The following PARD3B variants were observed in gnomAD, a reference collection of about 807,000 sequenced individuals.
The protein encoded by PARD3B is par-3 family cell polarity regulator beta.
Under a neutral mutation model 130.2 loss-of-function variants are expected in PARD3B, and 103 were observed. The observed-to-expected ratio is 0.79, with a 90% CI of 0.67 to 0.93. PARD3B has a LOEUF of 0.93. Among genes scored for constraint, PARD3B ranks in the 40% least tolerant of loss-of-function variants. The probability of loss-of-function intolerance (pLI) is 0.00; values close to 1 mark genes in which losing one functional copy is unlikely to be tolerated. For missense variants in PARD3B, 1,609 were observed against 1,499.2 expected, an observed-to-expected ratio of 1.07 and a Z score of -1.21; for synonymous variants, 583 against 553.2, an observed-to-expected ratio of 1.05 and a Z score of -0.76.
intron 2 of PARD3B, among the ~76,000 whole-genome samples, chr2:204,795,460 A>G (rs1432418793): frequency 6.6e-6 from 1 of 152,222 alleles, no homozygotes; most frequent in East Asian, 1.9e-4. Flanking sequence ...GAACAATCAA[A>G]GGAAGCAGGA....
At chr2:204,724,886 AGAG>A (rs2039156516) in intron 2 of PARD3B, among the ~76,000 whole-genome samples, 2 of 152,078 alleles carry the variant, frequency 1.3e-5, no homozygotes, top group African/African-American at 4.8e-5. Context: ...GGTTAGCATG[AGAG>A]GAGAAGAAGT....
rs960056108 is a variant in PARD3B, at chr2:205,617,612, A to G, written c.*1799A>G. The G allele has an allele frequency of 3.9e-5, 6 of 152,152 alleles. No individual in the cohort carries two copies. The highest frequency in any genetic ancestry group is 9.6e-5 in the African/African-American group (4 of 41,460). 9.4% of individuals were successfully genotyped at this position (152,152 alleles called of 1,614,324 possible). ...ACTATGGCCCTGTTGAAAACAGACT[A>G]TCAAGTTTTTTGTCTCTGTTCTGTC... On this transcript the variant is annotated 3_prime_UTR_variant, in exon 23 of 23. Coordinates refer to ENST00000406610, the MANE Select transcript of PARD3B (RefSeq NM_001302769.2).
chr2:204,625,125 A>G (rs557381988), intron 1 of PARD3B, among the ~76,000 whole-genome samples: 1 of 152,236 alleles, frequency 6.6e-6, no homozygotes, highest in African/African-American at 2.4e-5. Context: ...GTCCTTTGTA[A>G]GATATACGGT....
At chr2:204,928,335 C>G (rs1348967418) in intron 2 of PARD3B, among the ~76,000 whole-genome samples, 3 of 152,086 alleles carry the variant, frequency 2.0e-5, no homozygotes, top group East Asian at 1.9e-4. Flanking sequence ...AATTCTATCA[C>G]TTCTGTTGGG....
intron 2 of PARD3B, among the ~76,000 whole-genome samples, chr2:204,787,778 T>G (rs879647632): frequency 3.9e-5 from 6 of 152,226 alleles, no homozygotes; most frequent in African/African-American, 1.4e-4. Flanking sequence ...AGCTGGACTC[T>G]TAACACCAAC....
At chr2:204,834,814 G>T (rs1043491599) in intron 2 of PARD3B, among the ~76,000 whole-genome samples, 1 of 152,168 alleles carries the variant, frequency 6.6e-6, no homozygotes, top group Non-Finnish European at 1.5e-5. Context: ...CACTTTTACT[G>T]TGTCAGCGAT....
At chr2:204,729,232 TAAAG>T (rs750670478) in intron 2 of PARD3B, among the ~76,000 whole-genome samples, 3 of 152,220 alleles carry the variant, frequency 2.0e-5, no homozygotes, top group East Asian at 1.9e-4. Context: ...ATTATTGAAA[TAAAG>T]AAAGCAAGCA....
chr2:204,721,015 A>G (rs750488837), intron 2 of PARD3B, among the ~76,000 whole-genome samples: 5 of 152,186 alleles, frequency 3.3e-5, no homozygotes, highest in Non-Finnish European at 5.9e-5. Flanking sequence ...TTATAATCTG[A>G]GAATGAGTAC....
In PARD3B at chr2:205,015,764, C is replaced by T. The variant is rs1696100529; in HGVS notation, c.395-31817C>T. On this transcript the variant is annotated intron_variant, in intron 3 of 22. Coordinates refer to ENST00000406610, the MANE Select transcript of PARD3B (RefSeq NM_001302769.2). The surrounding 1 kb of genome is among the most constrained non-coding windows in gnomAD (Gnocchi z 4.5). ...GTTTTGAACAATTGGCCCTATTTGA[C>T]TTTGCATGCCCAGGCCTCAGCACCT... 6.6e-6 allele frequency among the ~76,000 whole-genome samples: 1 copy of T among 152,204 alleles called. No homozygotes were observed. Among genetic ancestry groups the T allele is most frequent in the Non-Finnish European group, 1.5e-5 (1 of 68,034 alleles).
chr2:205,409,843 A>C (rs973702886), intron 19 of PARD3B, among the ~76,000 whole-genome samples: 9 of 152,216 alleles, frequency 5.9e-5, no homozygotes, highest in Non-Finnish European at 1.3e-4. Flanking sequence ...ATTATACTGA[A>C]TTACCTAGAA....
Position 204,799,884 on chromosome 2 carries a change from A to G in PARD3B, c.222+113602A>G, listed in dbSNP as rs1328595522. On this transcript the variant is annotated intron_variant, in intron 2 of 22. Coordinates refer to ENST00000406610, the MANE Select transcript of PARD3B (RefSeq NM_001302769.2). The surrounding 1 kb of genome is among the most constrained non-coding windows in gnomAD (Gnocchi z 4.1). ...ATCACAGCATCAGTTCCCTTGGAAT[A>G]CTTGGTAAGCCTTCCTAAGAAGGGT... 2.1e-4 allele frequency among the ~76,000 whole-genome samples: 32 copies of G among 152,342 alleles called. No homozygotes were observed.
chr2:205,092,543 A>T (rs1702172590), intron 4 of PARD3B, among the ~76,000 whole-genome samples: 1 of 152,192 alleles, frequency 6.6e-6, no homozygotes, highest in African/African-American at 2.4e-5. Context: ...AATGAAGGCT[A>T]AGGAAATGCC....
intron 2 of PARD3B, among the ~76,000 whole-genome samples, chr2:204,757,810 A>G (rs1243631350): frequency 1.3e-5 from 2 of 152,232 alleles, no homozygotes; most frequent in East Asian, 1.9e-4. Flanking sequence ...GAGAAATACT[A>G]CTCTTGGCAG....
intron 3 of PARD3B, among the ~76,000 whole-genome samples, chr2:205,020,157 T>C (rs1696486283): frequency 1.3e-5 from 2 of 152,164 alleles, no homozygotes; most frequent in African/African-American, 4.8e-5. Context: ...ATGACTTCTT[T>C]ATTCATCCAA....
intron 15 of PARD3B, among the ~76,000 whole-genome samples, chr2:205,238,347 T>C (rs2039161747): frequency 6.6e-6 from 1 of 152,214 alleles, no homozygotes; most frequent in Non-Finnish European, 1.5e-5. Context: ...TGGCACCGGC[T>C]GTCATTCCAT....
intron 4 of PARD3B, among the ~76,000 whole-genome samples, chr2:205,067,095 CTTTTTTTTTTTTTTT>C (rs10672449): frequency 6.7e-5 from 4 of 59,716 alleles, no homozygotes; most frequent in African/African-American, 2.2e-4. Context: ...TTTTACTAGG[CTTTTTTTTTTTTTTT>C]TTTTTTTTTT....
Position 204,545,936 on chromosome 2 carries a change from G to A in PARD3B, c.-64G>A, listed in dbSNP as rs1428135605. 6.9e-7 allele frequency: 1 copy of A among 1,457,224 alleles called. No homozygotes were observed. The highest frequency in any genetic ancestry group is 1.5e-5 in the African/African-American group (1 of 67,608). The allele number at this position is 1,457,224 out of a possible 1,614,324, so 90.3% of individuals were successfully genotyped here. On this transcript the variant is annotated 5_prime_UTR_variant, in exon 1 of 23. Coordinates refer to ENST00000406610, the MANE Select transcript of PARD3B (RefSeq NM_001302769.2). The stretch of plus-strand genomic sequence containing the variant: ...CCGCCCCGGGCGTCCTCCGAGAGTG[G>A]GGGCTGCGCCCGCGGGGTCAGACAC...
Position 205,279,083 on chromosome 2 carries a change from A to AC in PARD3B, c.2186-21447_2186-21446insC, listed in dbSNP as rs1390412759. Among the ~76,000 whole-genome samples the AC allele has an allele frequency of 8.3e-4, 122 of 146,426 alleles. 1 individual carries two copies. The highest frequency in any genetic ancestry group is 2.8e-3 in the African/African-American group (115 of 40,746). Reference sequence around the variant, plus strand: ...AAGAATCTGTCTCAAAAAAAAAAAAAAAAAAAAAAAAAACAGTTGTTCATT... The same window carrying AC: ...AAGAATCTGTCTCAAAAAAAAAAAAACAAAAAAAAAAAAACAGTTGTTCATT... On this transcript the variant is annotated intron_variant, in intron 16 of 22. Coordinates refer to ENST00000406610, the MANE Select transcript of PARD3B (RefSeq NM_001302769.2).
At chr2:204,789,287 G>T (rs1048199792) in intron 2 of PARD3B, among the ~76,000 whole-genome samples, 1 of 152,100 alleles carries the variant, frequency 6.6e-6, no homozygotes, top group Non-Finnish European at 1.5e-5. Context: ...CTGGTTTCAG[G>T]TGATTCTCTC....
Sources: gnomAD v4.1 joint callset for allele counts (sites outside exome capture counted in the v4.1 genomes callset) on GRCh38, gnomAD v4.1.1 for gene constraint, Gnocchi (gnomAD v3.1) non-coding constraint, MANE v1.5 for transcripts, NCBI Gene and HGNC (gene_info 2026-07-23, HGNC 2026-07-21) for gene names.